ADAM33: variants seen among roughly 807,000 people sequenced by gnomAD.
ADAM33 encodes the protein ADAM metallopeptidase domain 33.
In ADAM33, 103 loss-of-function variants were observed where a neutral mutation model predicts 106.2. That is an observed-to-expected ratio of 0.97 (90% CI 0.83 to 1.14). ADAM33 has a LOEUF of 1.14. Ranked by LOEUF, ADAM33 falls within the 50% of genes most tolerant of loss-of-function variation. The pLI is 0.00. For missense variants in ADAM33, 1,120 were observed against 1,096.6 expected (o/e 1.02, Z -0.30); for synonymous variants, 483 against 453.0 (o/e 1.07, Z -0.84).
intron 1 of ADAM33, among the ~76,000 whole-genome samples, chr20:3,681,319 A>C (rs190286723): frequency 6.6e-6 from 1 of 152,316 alleles, no homozygotes; most frequent in East Asian, 1.9e-4. Flanking sequence ...TTCTATCTGG[A>C]GAGGCCCTTC....
rs745570445 is a variant in ADAM33 at position 3,674,759 on chromosome 20, C to A, written c.410+14G>T. 8 of 1,601,124 alleles carry A rather than the reference C, an allele frequency of 5.0e-6. No homozygotes were observed. The highest frequency in any genetic ancestry group is 6.8e-6 in the Non-Finnish European group (8 of 1,173,776). On this transcript the variant is annotated intron_variant, in intron 5 of 21. Transcript: ENST00000356518. ...TTCCCCATCCCAGGCCCAGCCTCCT[C>A]TCCCAGAGCTCACCTCATCCCAGAG...
In ADAM33 at chr20:3,668,860, T is replaced by C. The variant is rs2087346206; in HGVS notation, c.*103A>G. 1 of 1,385,590 alleles carries C rather than the reference T, an allele frequency of 7.2e-7. No individual in the cohort carries two copies. Among genetic ancestry groups the C allele is most frequent in the Non-Finnish European group, 1.0e-6 (1 of 977,212 alleles). 85.8% of individuals were successfully genotyped at this position (1,385,590 alleles called of 1,614,324 possible). A position where few individuals can be genotyped will look rare whatever the true frequency, so the allele number is the denominator to read the frequency against. On this transcript the variant is annotated 3_prime_UTR_variant, in exon 22 of 22. Coordinates refer to ENST00000356518, the MANE Select transcript of ADAM33 (RefSeq NM_025220.5). ...AAACTTCCAAGCTGCCTGCAGGTGC[T>C]GGAGGTCCGGTGATTCACTGGCTCT...
At chr20:3,674,882 C>T (rs2146413533) in intron 4 of ADAM33, 33 bp from the exon 5 acceptor site, 1 of 1,607,870 alleles carries the variant, frequency 6.2e-7, no homozygotes, top group Non-Finnish European at 8.5e-7. Flanking sequence ...CAAATCTCAG[C>T]CAGGGCTGGA....
intron 1 of ADAM33, among the ~76,000 whole-genome samples, chr20:3,680,626 G>C (rs2088408448): frequency 1.3e-5 from 2 of 152,176 alleles, no homozygotes; most frequent in African/African-American, 4.8e-5. Context: ...TGCAGGGAGG[G>C]CTCTGAGTGG....
At chr20:3,669,239 G>A (rs1019496376) in intron 21 of ADAM33, 60 bp downstream of exon 21, 18 of 1,456,356 alleles carry the variant, frequency 1.2e-5, no homozygotes, top group Non-Finnish European at 1.7e-5. Flanking sequence ...ACTGAGGGGT[G>A]GGAGAGGTGG....
In ADAM33 at chr20:3,679,569, G is replaced by A; in HGVS notation, c.100C>T (p.His34Tyr). The change falls in exon 2 of 22, where the codon CAT (histidine) becomes TAT (tyrosine). Residue 34 changes from histidine (H) to tyrosine (Y), a missense_variant and splice_region_variant. Transcript: ENST00000356518. ...PVPGAGVLQG[H>Y]IPGQPVTPHW... Reference sequence around the variant, plus strand: ...GGGGTGACTGGCTGCCCAGGGATATGTCCTGGAGTAAAGACAGAGCACAGG... The same window carrying A: ...GGGGTGACTGGCTGCCCAGGGATATATCCTGGAGTAAAGACAGAGCACAGG... The A allele has an allele frequency of 6.2e-7, 1 of 1,607,226 alleles. No homozygotes were observed. Among genetic ancestry groups the A allele is most frequent in the Non-Finnish European group, 8.5e-7 (1 of 1,176,946 alleles).
rs779317899 is a variant in ADAM33 at position 3,671,480 on chromosome 20, C to A, written c.1922G>T (p.Arg641Leu). 6.2e-7 allele frequency: 1 copy of A among 1,611,042 alleles called. No homozygotes were observed. The highest frequency in any genetic ancestry group is 1.7e-5 in the Admixed American group (1 of 59,980). Residue 641 changes from arginine to leucine, a missense_variant, in exon 17 of 22, where the codon CGC (arginine) becomes CTC (leucine). Physicochemically the swap from Arg to Leu is moderately radical, Grantham distance 102. Coordinates refer to ENST00000356518, the MANE Select transcript of ADAM33 (RefSeq NM_025220.5). Reference protein sequence around the residue: ...CGPRMVCQSRRCRKNAFQELQ... With the variant: ...CGPRMVCQSRLCRKNAFQELQ... Reference sequence around the variant, plus strand: ...CTCCTGGAAGGCATTCTTCCTGCAGCGCCTGCTCTGGCACACCTACGGGCA... The same window carrying A: ...CTCCTGGAAGGCATTCTTCCTGCAGAGCCTGCTCTGGCACACCTACGGGCA...
At chr20:3,681,372 C>G (rs1055621914) in intron 1 of ADAM33, among the ~76,000 whole-genome samples, 1 of 152,194 alleles carries the variant, frequency 6.6e-6, no homozygotes, top group Non-Finnish European at 1.5e-5. Flanking sequence ...AACATACACA[C>G]TGCCCTGCTG....
chr20:3,677,347 T>C (rs1009290281), intron 2 of ADAM33, among the ~76,000 whole-genome samples: 3 of 152,138 alleles, frequency 2.0e-5, no homozygotes, highest in Admixed American at 2.0e-4. Flanking sequence ...ATGTTTGCAG[T>C]CCTGACAACA....
In ADAM33 at chr20:3,673,402, A is replaced by C; in HGVS notation, c.1085T>G (p.Val362Gly). The C allele has an allele frequency of 6.4e-7, 1 of 1,553,660 alleles. No individual in the cohort carries two copies. The highest frequency in any genetic ancestry group is 8.6e-7 in the Non-Finnish European group (1 of 1,156,680). Residue 362 changes from valine (V) to glycine (G), a missense_variant, in exon 11 of 22, where the codon GTG (valine) becomes GGG (glycine). Physicochemically the swap from Val to Gly is moderately radical, Grantham distance 109 (BLOSUM62 -3). Coordinates refer to ENST00000356518, the MANE Select transcript of ADAM33 (RefSeq NM_025220.5). ...GCCTCCGGACTCGGCCGCAGCCTCC[A>C]CGCAGCAGCCGTCGGGGTCGTGGCT... ...GLSHDPDGCC[V>G]EAAAESGGCV...
intron 2 of ADAM33, among the ~76,000 whole-genome samples, chr20:3,677,368 A>G (rs1373680286): frequency 1.3e-5 from 2 of 152,208 alleles, no homozygotes; most frequent in Non-Finnish European, 2.9e-5. Flanking sequence ...GCCACTTGGA[A>G]GGGCGTTGGC....
rs1386113306 is a variant in ADAM33, at chr20:3,673,760, G to C, written c.890C>G (p.Ser297Cys). Reference protein sequence around the residue: ...RGLWAQRPHDSAQLLTGRAFQ... With the variant: ...RGLWAQRPHDCAQLLTGRAFQ... ...AGGCACCCACGTGAGCAGCTGCGCG[G>C]AGTCGTGGGGCCGCTGCGCCCACAG... The change falls in exon 9 of 22, where the codon TCC becomes TGC. Residue 297 changes from serine to cysteine, a missense_variant. Ser to Cys is a moderately radical substitution (Grantham distance 112). Coordinates refer to ENST00000356518, the MANE Select transcript of ADAM33 (RefSeq NM_025220.5). 6.6e-7 allele frequency: 1 copy of C among 1,522,012 alleles called. No homozygotes were observed. The highest frequency in any genetic ancestry group is 1.4e-5 in the African/African-American group (1 of 72,286). 94.3% of individuals were successfully genotyped at this position (1,522,012 alleles called of 1,614,324 possible). A position where few individuals can be genotyped will look rare whatever the true frequency, so the allele number is the denominator to read the frequency against.
chr20:3,676,373 G>A (rs892419559), intron 3 of ADAM33, among the ~76,000 whole-genome samples: 70 of 151,908 alleles, frequency 4.6e-4, no homozygotes, highest in African/African-American at 1.4e-3. Flanking sequence ...ACAAACTGCT[G>A]CCCCCAAGTG....
chr20:3,672,359 A>G, intron 13 of ADAM33, 30 bp from the exon 14 acceptor site: 1 of 1,606,620 alleles, frequency 6.2e-7, no homozygotes, highest in Non-Finnish European at 8.5e-7. Flanking sequence ...TGGGGAAGGC[A>G]GAGAGAGGCC....
intron 21 of ADAM33, 67 bp from the exon 22 acceptor site, chr20:3,669,067 G>A (rs2087357508): frequency 6.5e-7 from 1 of 1,543,212 alleles, no homozygotes; most frequent in Admixed American, 1.7e-5. Context: ...GTGTGGCAGA[G>A]AGCCCATCCT....
Position 3,674,513 on chromosome 20 carries a change from G to A in ADAM33, c.591C>T (p.Pro197=). 1 of 1,613,244 alleles carries A rather than the reference G, an allele frequency of 6.2e-7. No homozygotes were observed. The change falls in exon 6 of 22, where the codon CCC becomes CCT. Residue 197 remains proline (P), a synonymous_variant. Coordinates refer to ENST00000356518, the MANE Select transcript of ADAM33 (RefSeq NM_025220.5). Reference sequence around the variant, plus strand: ...GATCGATGCCCCTGACCCTGCTCTGGGGACCACCAGGAAGGCTGGTCATGC... The same window carrying A: ...GATCGATGCCCCTGACCCTGCTCTGAGGACCACCAGGAAGGCTGGTCATGC... ...KAGMTSLPGG[P]QSRGRREARR...
At chr20:3,677,015 GCC>G in intron 3 of ADAM33, 50 bp downstream of exon 3, 1 of 1,576,190 alleles carries the variant, frequency 6.3e-7, no homozygotes, top group South Asian at 1.1e-5. Context: ...GTCAGTCCCT[GCC>G]CCCCAACACT....
rs1487423797 is a variant in ADAM33 at position 3,675,364 on chromosome 20, G to C, written c.255-259C>G. 3.9e-5 allele frequency among the ~76,000 whole-genome samples: 6 copies of C among 152,142 alleles called. No individual in the cohort carries two copies. The highest frequency in any genetic ancestry group is 3.9e-4 in the Admixed American group (6 of 15,282). ...ACCAGGGAGGACGCCGGGGAGGAGT[G>C]GGAATAGGGGAAGAGTTTGTGGTTC... On this transcript the variant is annotated intron_variant, in intron 3 of 21. Transcript: ENST00000356518. This position sits in a 1 kb window ranked among gnomAD's most constrained non-coding sequence, Gnocchi z 4.1.
Position 3,673,390 on chromosome 20 carries a change from G to A in ADAM33, c.1097C>T (p.Ala366Val), listed in dbSNP as rs893051380. 5 of 1,544,016 alleles carry A rather than the reference G, an allele frequency of 3.2e-6. No homozygotes were observed. The highest frequency in any genetic ancestry group is 4.3e-6 in the Non-Finnish European group (5 of 1,151,662). Residue 366 changes from alanine to valine, a missense_variant, in exon 11 of 22, where the codon GCC (alanine) becomes GTC (valine). Transcript: ENST00000356518. ...DPDGCCVEAAAESGGCVMAAA... is the reference protein window; with the variant it reads ...DPDGCCVEAAVESGGCVMAAA... Reference sequence around the variant, plus strand: ...AGCCATGACGCAGCCTCCGGACTCGGCCGCAGCCTCCACGCAGCAGCCGTC... The same window carrying A: ...AGCCATGACGCAGCCTCCGGACTCGACCGCAGCCTCCACGCAGCAGCCGTC...
Sources: gnomAD v4.1 joint callset for allele counts (sites outside exome capture counted in the v4.1 genomes callset) on GRCh38, gnomAD v4.1.1 for gene constraint, Gnocchi (gnomAD v3.1) non-coding constraint, MANE v1.5 for transcripts, NCBI Gene and HGNC (gene_info 2026-07-23, HGNC 2026-07-21) for gene names.